Variants in DCC observed in about 807,000 individuals in gnomAD.
DCC encodes the protein DCC netrin 1 receptor.
A neutral mutation model predicts 172.5 loss-of-function variants in DCC; 58 were observed. That is an observed-to-expected ratio of 0.34 (90% CI 0.27 to 0.42). The LOEUF (loss-of-function observed/expected upper bound fraction) is 0.42, where lower values mean the gene tolerates loss of function less well. Among genes scored for constraint, DCC ranks in the 10% least tolerant of loss-of-function variants. The pLI is 1.00. For missense variants in DCC, 1,740 were observed against 1,791.0 expected, an observed-to-expected ratio of 0.97 and a Z score of 0.51; for synonymous variants, 709 against 644.5, an observed-to-expected ratio of 1.10 and a Z score of -1.52.
intron 1 of DCC, among the ~76,000 whole-genome samples, chr18:52,594,894 C>A (rs972815812): frequency 6.6e-6 from 1 of 152,228 alleles, no homozygotes; most frequent in East Asian, 1.9e-4. Flanking sequence ...CCACCTCCAA[C>A]ATTGAGGATT....
At chr18:53,254,713 T>A (rs1209348936) in intron 12 of DCC, among the ~76,000 whole-genome samples, 1 of 152,058 alleles carries the variant, frequency 6.6e-6, no homozygotes, top group East Asian at 1.9e-4. Flanking sequence ...TTATTCTGAA[T>A]GTCCCCTTTC....
intron 25 of DCC, among the ~76,000 whole-genome samples, chr18:53,475,387 G>T (rs765779407): frequency 1.3e-5 from 2 of 152,194 alleles, no homozygotes; most frequent in African/African-American, 4.8e-5. Flanking sequence ...GGCCCTGGAG[G>T]CCTTGGAGGA....
intron 1 of DCC, among the ~76,000 whole-genome samples, chr18:52,716,795 T>G (rs977062703): frequency 6.6e-6 from 1 of 152,206 alleles, no homozygotes; most frequent in Non-Finnish European, 1.5e-5. Context: ...TTCCTTCAGT[T>G]TCTCTGAGCA....
chr18:53,357,254 T>G (rs549147078), intron 15 of DCC, among the ~76,000 whole-genome samples: 8 of 152,190 alleles, frequency 5.3e-5, no homozygotes, highest in Middle Eastern at 3.2e-3. Flanking sequence ...ACTGTCATAT[T>G]GTATTTTTAG....
intron 25 of DCC, among the ~76,000 whole-genome samples, chr18:53,484,912 A>T (rs1013407594): frequency 6.6e-5 from 10 of 152,196 alleles, no homozygotes; most frequent in Admixed American, 6.6e-4. Flanking sequence ...TATATGTGAA[A>T]TATATGTGTG....
At chr18:53,408,436 C>G (rs924004335) in intron 19 of DCC, among the ~76,000 whole-genome samples, 2 of 152,152 alleles carry the variant, frequency 1.3e-5, no homozygotes, top group Non-Finnish European at 2.9e-5. Context: ...GTTCCTGCCA[C>G]AAAGTATTCT....
chr18:52,447,656 T>A (rs1598826021), intron 1 of DCC, among the ~76,000 whole-genome samples: 1 of 152,060 alleles, frequency 6.6e-6, no homozygotes, highest in Admixed American at 6.5e-5. Flanking sequence ...CTACAGGCTG[T>A]TCAGGAAGCA....
chr18:53,432,851 A>G (rs955056171), intron 21 of DCC, among the ~76,000 whole-genome samples: 6 of 152,088 alleles, frequency 3.9e-5, no homozygotes, highest in Admixed American at 3.9e-4. Flanking sequence ...ATTAAAATTA[A>G]AATTAAAATC....
chr18:52,441,529 C>T (rs185383283), intron 1 of DCC, among the ~76,000 whole-genome samples: 160 of 152,114 alleles, frequency 1.1e-3, no homozygotes, highest in African/African-American at 3.8e-3. Context: ...AATTATTTTC[C>T]TTGGAACATT....
chr18:53,499,380 A>G lies in DCC; in HGVS notation c.3981A>G (p.Pro1327=), dbSNP rs1300641426. Residue 1327 remains proline (P), a synonymous_variant, in exon 27 of 29, where the codon CCA becomes CCG. Coordinates refer to ENST00000442544, the MANE Select transcript of DCC (RefSeq NM_005215.4). ...AGCATTCTAGCAGCGAGGAGGCACC[A>G]AGCAGAACCATCCCCACAGCTTGTG... The part of the protein sequence containing the change: ...QPEHSSSEEA[P]SRTIPTACVR... 3 of 1,613,958 alleles carry G rather than the reference A, an allele frequency of 1.9e-6. No individual in the cohort carries two copies. In the Admixed American group the frequency reaches 5.0e-5, roughly 27 times the overall value.
chr18:52,634,518 A>G (rs557305707), intron 1 of DCC, among the ~76,000 whole-genome samples: 2 of 152,308 alleles, frequency 1.3e-5, no homozygotes, highest in East Asian at 3.9e-4. Flanking sequence ...TTGTGGAAAA[A>G]TATTAGCATG....
At chr18:52,457,375 T>C (rs1988490990) in intron 1 of DCC, among the ~76,000 whole-genome samples, 1 of 152,210 alleles carries the variant, frequency 6.6e-6, no homozygotes, top group Non-Finnish European at 1.5e-5. Context: ...ACAGAAAATA[T>C]CTTTATGCCA....
At chr18:53,275,082 T>G (rs1420846469) in intron 12 of DCC, among the ~76,000 whole-genome samples, 1 of 152,140 alleles carries the variant, frequency 6.6e-6, no homozygotes, top group Non-Finnish European at 1.5e-5. Context: ...GTGCCTCTGG[T>G]GCATGCTTAG....
intron 7 of DCC, 97 bp downstream of exon 7, chr18:53,066,263 T>A: frequency 8.8e-7 from 1 of 1,137,984 alleles, no homozygotes; most frequent in Non-Finnish European, 1.3e-6. Flanking sequence ...TCAAGGGCAA[T>A]ATGGCAATAT....
At chr18:53,213,047 A>G (rs980025987) in intron 11 of DCC, among the ~76,000 whole-genome samples, 1 of 152,158 alleles carries the variant, frequency 6.6e-6, no homozygotes, top group African/African-American at 2.4e-5. Context: ...AAGAACACAT[A>G]TATATCTATC....
chr18:52,948,306 GTGT>G (rs1316329918), intron 5 of DCC, among the ~76,000 whole-genome samples: 3 of 119,202 alleles, frequency 2.5e-5, no homozygotes, highest in African/African-American at 9.6e-5. Flanking sequence ...TTCTATCACA[GTGT>G]TGATGTGTGT....
At chr18:53,013,055 A>G (rs1043611922) in intron 5 of DCC, among the ~76,000 whole-genome samples, 1 of 152,192 alleles carries the variant, frequency 6.6e-6, no homozygotes, top group African/African-American at 2.4e-5. Flanking sequence ...GGCAATCATT[A>G]AAAAGTCTGT....
chr18:53,179,879 T>A (rs781782338), intron 9 of DCC, among the ~76,000 whole-genome samples: 2,254 of 152,320 alleles, frequency 0.015, 21 homozygotes, highest in Non-Finnish European at 0.024. Flanking sequence ...TAAAAAACGA[T>A]TGGAATTTAA....
At chr18:52,750,664 C>T (rs1032531134) in intron 1 of DCC, among the ~76,000 whole-genome samples, 3 of 151,996 alleles carry the variant, frequency 2.0e-5, no homozygotes, top group South Asian at 2.1e-4. Context: ...AGGGAGAAAC[C>T]GTAAGAAGCT....
Sources: gnomAD v4.1 joint callset for allele counts (sites outside exome capture counted in the v4.1 genomes callset) on GRCh38, gnomAD v4.1.1 for gene constraint, MANE v1.5 for transcripts, NCBI Gene and HGNC (gene_info 2026-07-23, HGNC 2026-07-21) for gene names.